Variants in CRACDL observed in about 807,000 individuals in gnomAD.
CRACDL encodes the protein CRACD-like protein.
A neutral mutation model predicts 70.6 loss-of-function variants in CRACDL; 26 were observed. The ratio of observed to expected loss-of-function variants is 0.37; its 90% CI spans 0.27 to 0.51. CRACDL has a LOEUF of 0.51. Among genes scored for constraint, CRACDL ranks in the 20% least tolerant of loss-of-function variants. The probability of loss-of-function intolerance (pLI) is 0.94; values close to 1 mark genes in which losing one functional copy is unlikely to be tolerated. For synonymous variants in CRACDL, 618 were observed against 615.2 expected (o/e 1.00, Z -0.07); for missense variants, 1,283 against 1,376.9 (o/e 0.93, Z 1.08).
intron 1 of CRACDL, among the ~76,000 whole-genome samples, chr2:98,922,038 C>T (rs1417108729): frequency 6.6e-6 from 1 of 152,196 alleles, no homozygotes; most frequent in Non-Finnish European, 1.5e-5. Context: ...TATATTAAAA[C>T]ATTTTATTTG....
chr2:98,812,831 A>C (rs1704631665), intron 7 of CRACDL, among the ~76,000 whole-genome samples: 2 of 151,962 alleles, frequency 1.3e-5, no homozygotes, highest in Non-Finnish European at 2.9e-5. Flanking sequence ...TCAGGCTCTT[A>C]AATAGGTCTT....
chr2:98,852,900 G>C (rs1706536088), intron 1 of CRACDL, among the ~76,000 whole-genome samples: 1 of 148,302 alleles, frequency 6.7e-6, no homozygotes, highest in Admixed American at 6.7e-5. Flanking sequence ...GGAGTGGGGG[G>C]AGTGTGAAGA....
intron 1 of CRACDL, among the ~76,000 whole-genome samples, chr2:98,921,605 T>C (rs986738988): frequency 3.3e-5 from 5 of 152,228 alleles, no homozygotes; most frequent in Non-Finnish European, 5.9e-5. Flanking sequence ...AAATCCATCC[T>C]TTCCTAGCTT....
At chr2:98,796,604 C>A (rs538916278) in intron 8 of CRACDL, among the ~76,000 whole-genome samples, 1 of 152,258 alleles carries the variant, frequency 6.6e-6, no homozygotes, top group South Asian at 2.1e-4. Context: ...TATAGATGTC[C>A]CAAACTGGTT....
intron 1 of CRACDL, among the ~76,000 whole-genome samples, chr2:98,858,240 C>A (rs1323435897): frequency 6.6e-6 from 1 of 152,116 alleles, no homozygotes; most frequent in East Asian, 1.9e-4. Context: ...GCAGTGGTGC[C>A]TGCCTATAAT....
At chr2:98,825,348 C>T (rs1217764234) in intron 6 of CRACDL, among the ~76,000 whole-genome samples, 1 of 152,174 alleles carries the variant, frequency 6.6e-6, no homozygotes, top group African/African-American at 2.4e-5. Flanking sequence ...ACCTGTTTGC[C>T]CAGGCTGGCT....
intron 1 of CRACDL, among the ~76,000 whole-genome samples, chr2:98,935,395 T>C (rs75227052): frequency 0.01 from 1,542 of 152,310 alleles, 34 homozygotes; most frequent in Non-Finnish European, 9.6e-3. Context: ...ATGAAGCTTC[T>C]GTTCAACAAA....
chr2:98,797,786 C>CT (rs2104396005), intron 7 of CRACDL, among the ~76,000 whole-genome samples: 1 of 152,272 alleles, frequency 6.6e-6, no homozygotes, highest in Non-Finnish European at 1.5e-5. Context: ...TTAAAGCCAA[C>CT]TTCCTCCTAG....
chr2:98,874,312 A>G (rs1707424917), intron 1 of CRACDL, among the ~76,000 whole-genome samples: 1 of 152,260 alleles, frequency 6.6e-6, no homozygotes, highest in South Asian at 2.1e-4. Flanking sequence ...CCCTGATCAA[A>G]ATCGAAACAG....
intron 1 of CRACDL, among the ~76,000 whole-genome samples, chr2:98,857,186 C>A (rs2104562979): frequency 6.6e-6 from 1 of 152,254 alleles, no homozygotes; most frequent in Admixed American, 6.5e-5. Context: ...ACCCCGTTTA[C>A]AACACAGCTA....
At chr2:98,826,052 G>C (rs1174219751) in intron 6 of CRACDL, among the ~76,000 whole-genome samples, 1 of 152,144 alleles carries the variant, frequency 6.6e-6, no homozygotes, top group Non-Finnish European at 1.5e-5. Flanking sequence ...TGGCCAGGCT[G>C]GTCCCCACTC....
chr2:98,887,122 G>T (rs191312998), intron 1 of CRACDL, among the ~76,000 whole-genome samples: 1 of 152,220 alleles, frequency 6.6e-6, no homozygotes, highest in East Asian at 1.9e-4. Flanking sequence ...TAAACTAAAA[G>T]AAGAAAGATT....
At chr2:98,932,710 G>C (rs769230750) in intron 1 of CRACDL, among the ~76,000 whole-genome samples, 1 of 152,128 alleles carries the variant, frequency 6.6e-6, no homozygotes, top group Non-Finnish European at 1.5e-5. Flanking sequence ...GTCTTTTTCA[G>C]GTAATAAAAA....
chr2:98,879,422 T>C (rs1187737128), intron 1 of CRACDL, among the ~76,000 whole-genome samples: 1 of 152,246 alleles, frequency 6.6e-6, no homozygotes, highest in Admixed American at 6.5e-5. Context: ...TCGACATCAA[T>C]ATCTTCCTAG....
intron 7 of CRACDL, among the ~76,000 whole-genome samples, chr2:98,799,800 A>G (rs768093567): frequency 6.6e-6 from 1 of 150,660 alleles, no homozygotes; most frequent in Non-Finnish European, 1.5e-5. Flanking sequence ...CTGGTCCTCA[A>G]CCTGCTTCAC....
At chr2:98,805,290 A>G (rs568215956) in intron 7 of CRACDL, among the ~76,000 whole-genome samples, 1 of 152,322 alleles carries the variant, frequency 6.6e-6, no homozygotes, top group African/African-American at 2.4e-5. Context: ...AAAGCACACA[A>G]ATAACAAAAC....
intron 1 of CRACDL, among the ~76,000 whole-genome samples, chr2:98,893,969 G>A (rs983229717): frequency 1.3e-5 from 2 of 152,192 alleles, no homozygotes. Flanking sequence ...TGGGCATCAG[G>A]CTGTGTTCAA....
At chr2:98,807,153 A>C (rs528943616) in intron 7 of CRACDL, among the ~76,000 whole-genome samples, 1 of 152,350 alleles carries the variant, frequency 6.6e-6, no homozygotes, top group East Asian at 1.9e-4. Context: ...GAACAAAGTG[A>C]CTTGTCCAGG....
At chr2:98,911,897 T>A (rs1010136912) in intron 1 of CRACDL, among the ~76,000 whole-genome samples, 3 of 152,244 alleles carry the variant, frequency 2.0e-5, no homozygotes, top group African/African-American at 7.2e-5. Flanking sequence ...GGTAACATGA[T>A]GTGCCCATAC....
Sources: gnomAD v4.1 joint callset for allele counts (sites outside exome capture counted in the v4.1 genomes callset) on GRCh38, gnomAD v4.1.1 for gene constraint, MANE v1.5 for transcripts, NCBI Gene and HGNC (gene_info 2026-07-23, HGNC 2026-07-21) for gene names.